Variants in GALNT14 observed in about 807,000 individuals in gnomAD.
GALNT14 encodes UDP-GalNAc:polypeptide N-acetylgalactosaminyltransferase 14.
A neutral mutation model predicts 77.5 loss-of-function variants in GALNT14; 60 were observed. That is an observed-to-expected ratio of 0.77 (90% CI 0.63 to 0.96). The LOEUF is 0.96. Ranked by LOEUF, GALNT14 falls within the 40% of genes least tolerant of loss-of-function variation. GALNT14 has a pLI of 0.00. For synonymous variants in GALNT14, 280 were observed against 281.7 expected, an observed-to-expected ratio of 0.99 and a Z score of 0.06; for missense variants, 710 against 731.0, an observed-to-expected ratio of 0.97 and a Z score of 0.33.
intron 2 of GALNT14, among the ~76,000 whole-genome samples, chr2:30,985,177 G>T (rs1171693444): frequency 7.3e-6 from 1 of 137,806 alleles, no homozygotes; most frequent in Non-Finnish European, 1.6e-5. Context: ...TGAATGAAAT[G>T]TACAATGCAA....
chr2:30,908,623 G>A (rs1180041289), downstream of GALNT14, among the ~76,000 whole-genome samples: 2 of 127,444 alleles, frequency 1.6e-5, no homozygotes, highest in Non-Finnish European at 3.2e-5. Flanking sequence ...CATGAAAATG[G>A]CCATACTGCC....
intron 2 of GALNT14, among the ~76,000 whole-genome samples, chr2:30,978,654 G>A (rs74670719): frequency 6.6e-6 from 1 of 152,112 alleles, no homozygotes; most frequent in Non-Finnish European, 1.5e-5. Flanking sequence ...CTCGCTCACC[G>A]GCACCTGCAC....
intron 13 of GALNT14, among the ~76,000 whole-genome samples, chr2:30,917,909 G>A (rs1357928865): frequency 6.6e-6 from 1 of 152,210 alleles, no homozygotes; most frequent in East Asian, 1.9e-4. Context: ...CTTCAAACAA[G>A]GCATCTAGAA....
chr2:30,913,061 C>T (rs1004747100), intron 13 of GALNT14, among the ~76,000 whole-genome samples: 7 of 152,208 alleles, frequency 4.6e-5, no homozygotes, highest in Admixed American at 4.6e-4. Context: ...GAAGGGCATG[C>T]TGTGTCATTC....
chr2:30,958,298 T>A, intron 4 of GALNT14, 99 bp downstream of exon 4: 1 of 1,024,778 alleles, frequency 9.8e-7, no homozygotes, highest in Admixed American at 1.9e-5. Context: ...CCTGGGCTTT[T>A]CCCCATTCCC....
rs144453911 is a variant in GALNT14 at position 30,981,898 on chromosome 2, C to G, written c.299+10940G>C. ...GGCAGTATCTTAGAAAGGGCATGCA[C>G]TTTCGCAGGCTCAGGCCAGTTATTT... is the stretch of plus-strand genomic sequence containing the variant. On this transcript the variant is annotated intron_variant, in intron 2 of 14. Transcript: ENST00000349752. Among the ~76,000 whole-genome samples the G allele has an allele frequency of 4.4e-4, 67 of 152,334 alleles. No individual in the cohort carries two copies. In the East Asian group the frequency reaches 0.012, roughly 26 times the overall value.
intron 1 of GALNT14, among the ~76,000 whole-genome samples, chr2:31,085,133 T>C (rs1053982459): frequency 6.6e-6 from 1 of 152,112 alleles, no homozygotes; most frequent in Non-Finnish European, 1.5e-5. Flanking sequence ...AGCTGCCAGG[T>C]AAAGCCAAAT....
At chr2:31,018,229 G>C (rs541305627) in intron 1 of GALNT14, among the ~76,000 whole-genome samples, 2 of 152,272 alleles carry the variant, frequency 1.3e-5, no homozygotes, top group Non-Finnish European at 1.5e-5. Flanking sequence ...AGCCAGCTCC[G>C]AAGGACTTGA....
chr2:31,066,983 C>A (rs1211497195), intron 1 of GALNT14, among the ~76,000 whole-genome samples: 1 of 152,208 alleles, frequency 6.6e-6, no homozygotes, highest in African/African-American at 2.4e-5. Context: ...TCAGCCTTTC[C>A]CTACCCTCTG....
chr2:30,924,367 C>A, intron 12 of GALNT14, 104 bp from the exon 13 acceptor site: 1 of 1,268,302 alleles, frequency 7.9e-7, no homozygotes, highest in South Asian at 1.3e-5. Context: ...CAGGGCTGGG[C>A]TGTTAGAAAA....
chr2:30,971,988 C>T (rs1305796649), intron 2 of GALNT14, among the ~76,000 whole-genome samples: 2 of 152,232 alleles, frequency 1.3e-5, no homozygotes, highest in South Asian at 2.1e-4. Flanking sequence ...GCTTGTCTGC[C>T]GGGGCCAGGA....
chr2:31,026,451 G>A (rs1042876615), intron 1 of GALNT14, among the ~76,000 whole-genome samples: 2 of 152,128 alleles, frequency 1.3e-5, no homozygotes, highest in African/African-American at 4.8e-5. Flanking sequence ...CTCCCCAGAC[G>A]GACAAGGAGC....
intron 8 of GALNT14, among the ~76,000 whole-genome samples, chr2:30,943,498 C>T (rs1295819954): frequency 6.6e-6 from 1 of 152,206 alleles, no homozygotes; most frequent in Non-Finnish European, 1.5e-5. Flanking sequence ...TGGCTTCATC[C>T]TGGGAAACAA....
At chr2:31,104,521 T>A (rs182953179) in intron 1 of GALNT14, among the ~76,000 whole-genome samples, 3 of 152,282 alleles carry the variant, frequency 2.0e-5, no homozygotes, top group African/African-American at 7.2e-5. Flanking sequence ...TATGCGAATT[T>A]CTGAAATATC....
chr2:30,898,603 G>A, the GALNT14 span, among the ~76,000 whole-genome samples: 1 of 152,212 alleles, frequency 6.6e-6, no homozygotes, highest in Non-Finnish European at 1.5e-5. Flanking sequence ...AGGAGCCAGG[G>A]TTTGAACCTG....
rs147981554 is a variant in GALNT14 at position 31,079,843 on chromosome 2, A to G, written c.129+58115T>C. On this transcript the variant is annotated intron_variant, in intron 1 of 14. Coordinates refer to ENST00000349752, the MANE Select transcript of GALNT14 (RefSeq NM_024572.4). ...GTGTGGCTCACGTAGCTCAGCCCCT[A>G]CTGTGGCTACTCCCTCTGGTGGTCA... 2.5e-3 allele frequency among the ~76,000 whole-genome samples: 386 copies of G among 152,136 alleles called. 1 individual carries two copies. Among genetic ancestry groups the G allele is most frequent in the Middle Eastern group, 0.024 (7 of 294 alleles).
intron 1 of GALNT14, among the ~76,000 whole-genome samples, chr2:31,118,254 T>C (rs1356269369): frequency 6.6e-6 from 1 of 152,216 alleles, no homozygotes; most frequent in African/African-American, 2.4e-5. Flanking sequence ...TCTCATCTGC[T>C]AAAAAACTTC....
In GALNT14 at chr2:30,919,109, A is replaced by C. The variant is rs185502182; in HGVS notation, c.1380+5010T>G. Among the ~76,000 whole-genome samples the C allele has an allele frequency of 7.9e-5, 12 of 152,264 alleles. No individual in the cohort carries two copies. In the East Asian group the frequency reaches 2.1e-3, roughly 27 times the overall value. On this transcript the variant is annotated intron_variant, in intron 13 of 14. Transcript: ENST00000349752. ...ATCTTATGTTTTTCCCCTTTCTTTA[A>C]ATTGGGATGGAAACTAGATTGGTGC...
intron 1 of GALNT14, chr2:31,132,570 C>G (rs373658713): frequency 2.6e-6 from 1 of 386,298 alleles, no homozygotes; most frequent in Non-Finnish European, 5.3e-6. Flanking sequence ...CAGAGTCACA[C>G]TGAAATTGCC....
Sources: gnomAD v4.1 joint callset for allele counts (sites outside exome capture counted in the v4.1 genomes callset) on GRCh38, gnomAD v4.1.1 for gene constraint, MANE v1.5 for transcripts, NCBI Gene and HGNC (gene_info 2026-07-23, HGNC 2026-07-21) for gene names.